CDH12: variants seen among roughly 807,000 people sequenced by gnomAD.
The protein encoded by CDH12 is cadherin 12, also known as cadherin-12.
In CDH12, 41 loss-of-function variants were observed where a neutral mutation model predicts 74.1. The observed-to-expected ratio is 0.55, with a 90% CI of 0.43 to 0.72. The LOEUF is 0.72. CDH12 is among the 30% of genes least tolerant of loss of function. The pLI is 0.00. For synonymous variants in CDH12, 399 were observed against 355.0 expected, an observed-to-expected ratio of 1.12 and a Z score of -1.39; for missense variants, 945 against 977.2, an observed-to-expected ratio of 0.97 and a Z score of 0.44.
At chr5:22,494,136 G>C (rs936293132) in intron 2 of CDH12, among the ~76,000 whole-genome samples, 1 of 152,222 alleles carries the variant, frequency 6.6e-6, no homozygotes, top group Admixed American at 6.5e-5. Context: ...CCTTTTGTTC[G>C]ACATTGTTTC....
chr5:22,755,835 C>T (rs2127044242), intron 1 of CDH12, among the ~76,000 whole-genome samples: 1 of 152,130 alleles, frequency 6.6e-6, no homozygotes, highest in South Asian at 2.1e-4. Flanking sequence ...GAAGTTAACA[C>T]TGTCTAACTA....
chr5:22,653,316 C>A (rs1308487903), intron 1 of CDH12, among the ~76,000 whole-genome samples: 6 of 152,140 alleles, frequency 3.9e-5, no homozygotes, highest in African/African-American at 1.4e-4. Flanking sequence ...ATAGTCATTT[C>A]TCCTTTTAAC....
chr5:22,199,989 A>C (rs1339775013), intron 4 of CDH12, among the ~76,000 whole-genome samples: 4 of 152,212 alleles, frequency 2.6e-5, no homozygotes, highest in Non-Finnish European at 5.9e-5. Flanking sequence ...CAAGGATTGC[A>C]ATTTCCTTTT....
At chr5:22,444,041 C>A (rs992195223) in intron 2 of CDH12, among the ~76,000 whole-genome samples, 2 of 151,932 alleles carry the variant, frequency 1.3e-5, no homozygotes, top group African/African-American at 2.4e-5. Flanking sequence ...ATTTTCAAAG[C>A]AAATTTAGAG....
rs566335388 is a variant in CDH12, at chr5:21,877,931, C to T, written c.527-23141G>A. Reference sequence around the variant, plus strand: ...AAATCCATTAAAATAAAGTCTAGAACTTATTATAGCAGTTCACATTATCTG... The same window carrying T: ...AAATCCATTAAAATAAAGTCTAGAATTTATTATAGCAGTTCACATTATCTG... On this transcript the variant is annotated intron_variant, in intron 6 of 14. Coordinates refer to ENST00000382254, the MANE Select transcript of CDH12 (RefSeq NM_004061.5). Among the ~76,000 whole-genome samples, 3 of 152,266 alleles carry T rather than the reference C, an allele frequency of 2.0e-5. No individual in the cohort carries two copies. In the East Asian group the frequency reaches 5.8e-4, roughly 29 times the overall value.
chr5:22,308,209 T>C (rs969885885), intron 3 of CDH12, among the ~76,000 whole-genome samples: 3 of 152,108 alleles, frequency 2.0e-5, no homozygotes, highest in African/African-American at 7.2e-5. Flanking sequence ...TATGAGATTC[T>C]AGAAAAGCAG....
intron 3 of CDH12, among the ~76,000 whole-genome samples, chr5:22,244,069 G>A (rs566997725): frequency 1.3e-5 from 2 of 151,572 alleles, no homozygotes; most frequent in South Asian, 4.2e-4. Context: ...AAGGATCTAG[G>A]AATAAAGCAG....
chr5:22,387,692 G>A (rs1467193175), intron 3 of CDH12, among the ~76,000 whole-genome samples: 9 of 152,138 alleles, frequency 5.9e-5, no homozygotes, highest in African/African-American at 1.2e-4. Context: ...GTTCTCAGGA[G>A]GGAGAATGAG....
intron 6 of CDH12, among the ~76,000 whole-genome samples, chr5:21,953,274 G>T (rs571965904): frequency 4.6e-5 from 7 of 152,102 alleles, no homozygotes; most frequent in African/African-American, 1.7e-4. Context: ...TCAACTAAAG[G>T]ATCCCTAAAA....
chr5:21,861,349 C>A (rs1280152771), intron 6 of CDH12, among the ~76,000 whole-genome samples: 1 of 151,906 alleles, frequency 6.6e-6, no homozygotes, highest in Non-Finnish European at 1.5e-5. Context: ...TATACTTGCA[C>A]ACAATTTATA....
At chr5:22,741,789 G>A (rs150507860) in intron 1 of CDH12, among the ~76,000 whole-genome samples, 80 of 152,254 alleles carry the variant, frequency 5.3e-4, no homozygotes, top group Non-Finnish European at 1.1e-3. Flanking sequence ...CAAGTGCAAG[G>A]GTTTACCACC....
chr5:21,994,671 T>C (rs1189745619), intron 5 of CDH12, among the ~76,000 whole-genome samples: 1 of 152,180 alleles, frequency 6.6e-6, no homozygotes, highest in Admixed American at 6.5e-5. Flanking sequence ...AACAACTCTG[T>C]TTCTTCTACT....
chr5:22,145,816 C>T (rs1747132834), intron 4 of CDH12, among the ~76,000 whole-genome samples: 1 of 152,048 alleles, frequency 6.6e-6, no homozygotes, highest in Non-Finnish European at 1.5e-5. Context: ...GAATTATCAT[C>T]TTCACAGATG....
chr5:21,780,023 G>C (rs887037167), intron 11 of CDH12, among the ~76,000 whole-genome samples: 2 of 152,082 alleles, frequency 1.3e-5, no homozygotes, highest in African/African-American at 4.8e-5. Flanking sequence ...CCACTGAGTA[G>C]ATAGTGGAAT....
At chr5:22,597,031 T>C (rs1736635897) in intron 1 of CDH12, among the ~76,000 whole-genome samples, 1 of 152,150 alleles carries the variant, frequency 6.6e-6, no homozygotes, top group Non-Finnish European at 1.5e-5. Context: ...GGTTGGAGAA[T>C]CGCTGGATTA....
intron 11 of CDH12, among the ~76,000 whole-genome samples, chr5:21,765,821 C>T (rs78987412): frequency 0.015 from 2,314 of 152,034 alleles, 63 homozygotes; most frequent in African/African-American, 0.05. Context: ...CTGTCATTTA[C>T]GGAATAAAAC....
chr5:22,424,660 T>C (rs1036410698), intron 2 of CDH12, among the ~76,000 whole-genome samples: 16 of 152,316 alleles, frequency 1.1e-4, no homozygotes, highest in Admixed American at 9.8e-4. Context: ...GACTCTTCAG[T>C]GTTCCTTACA....
chr5:22,393,128 A>C (rs554972665), intron 3 of CDH12, among the ~76,000 whole-genome samples: 1 of 152,168 alleles, frequency 6.6e-6, no homozygotes, highest in African/African-American at 2.4e-5. Flanking sequence ...AAATAAGGAG[A>C]TCACCCCGGA....
chr5:22,598,240 T>C (rs546013513), intron 1 of CDH12, among the ~76,000 whole-genome samples: 1 of 152,308 alleles, frequency 6.6e-6, no homozygotes, highest in African/African-American at 2.4e-5. Context: ...AAAATAAACA[T>C]ATTGATATGG....
Sources: allele counts gnomAD v4.1 joint callset (sites outside exome capture counted in the v4.1 genomes callset), GRCh38; gene constraint gnomAD v4.1.1; transcripts MANE v1.5; gene names NCBI Gene and HGNC (gene_info 2026-07-23, HGNC 2026-07-21).